Variants in DMD observed in about 807,000 individuals in gnomAD.
DMD encodes the protein mutant dystrophin.
In DMD, 63 loss-of-function variants were observed where a neutral mutation model predicts 330.1. That is an observed-to-expected ratio of 0.19 (90% CI 0.16 to 0.24). The LOEUF (loss-of-function observed/expected upper bound fraction) is 0.24. Ranked by LOEUF, DMD falls within the 10% of genes least tolerant of loss-of-function variation. DMD has a pLI of 1.00. For missense variants in DMD, 3,344 were observed against 2,684.1 expected, an observed-to-expected ratio of 1.25 and a Z score of -5.43; for synonymous variants, 1,223 against 959.8, an observed-to-expected ratio of 1.27 and a Z score of -5.07.
chrX:32,875,031 T>A (rs891839196), intron 2 of DMD, among the ~76,000 whole-genome samples: 1 of 112,381 alleles, frequency 8.9e-6, no homozygotes, highest in East Asian at 2.8e-4. Flanking sequence ...GCTGAATTCC[T>A]GATTCACAAA....
rs1347916431 is a variant in DMD, at chrX:32,542,331, G to T, written c.2168+2828C>A. The stretch of plus-strand genomic sequence containing the variant: ...GCCTGTAATTCCAGCTACTCGGGAG[G>T]TTGAGGCAGAGAATTGCTTGAAACC... On this transcript the variant is annotated intron_variant, in intron 17 of 78. Transcript: ENST00000357033. 3.6e-5 allele frequency among the ~76,000 whole-genome samples: 4 copies of T among 111,812 alleles called. No homozygotes were observed. The East Asian group carries it at 1.1e-3, about 32-fold the overall frequency.
At chrX:32,282,782 C>T (rs1001554370) in intron 43 of DMD, among the ~76,000 whole-genome samples, 5 of 112,171 alleles carry the variant, frequency 4.5e-5, no homozygotes, top group Non-Finnish European at 9.4e-5. Context: ...TTAGGCAAGT[C>T]ACATAACATC....
chrX:32,943,009 G>T, intron 2 of DMD, among the ~76,000 whole-genome samples: 1 of 111,460 alleles, frequency 9.0e-6, no homozygotes, highest in Middle Eastern at 4.7e-3. Context: ...ACATGGGGTA[G>T]ATATAAATGA....
intron 4 of DMD, among the ~76,000 whole-genome samples, 187 bp from the exon 5 acceptor site, chrX:32,823,574 G>T (rs370591650): frequency 5.7e-4 from 64 of 111,509 alleles, no homozygotes; most frequent in African/African-American, 2.0e-3. Flanking sequence ...TAACAAACAA[G>T]CACCCCAAAT....
intron 43 of DMD, among the ~76,000 whole-genome samples, chrX:32,262,986 A>C (rs1250608049): frequency 1.8e-5 from 2 of 111,588 alleles, no homozygotes; most frequent in Admixed American, 9.6e-5. Flanking sequence ...CCTCCCAGGC[A>C]TTTTTCTTAA....
intron 2 of DMD, among the ~76,000 whole-genome samples, chrX:32,959,677 AG>A (rs1242836043): frequency 9.0e-6 from 1 of 110,991 alleles, no homozygotes; most frequent in Non-Finnish European, 1.9e-5. Context: ...ACAACCTACA[AG>A]GTTGTCTTGT....
intron 18 of DMD, among the ~76,000 whole-genome samples, chrX:32,514,773 C>T (rs2045694354): frequency 8.9e-6 from 1 of 112,285 alleles, no homozygotes; most frequent in African/African-American, 3.2e-5. Context: ...TGGAGTAATG[C>T]CTGACAATGA....
At chrX:33,325,072 T>C (rs140809917) in intron 1 of DMD, among the ~76,000 whole-genome samples, 37 of 112,015 alleles carry the variant, frequency 3.3e-4, no homozygotes, top group African/African-American at 1.2e-3. Flanking sequence ...CCACAAATGA[T>C]CATTTCATTT....
chrX:32,878,085 C>T, intron 2 of DMD, among the ~76,000 whole-genome samples: 1 of 112,398 alleles, frequency 8.9e-6, no homozygotes, highest in South Asian at 3.6e-4. Flanking sequence ...TTTGAAAATA[C>T]TAGGAATGGG....
At chrX:32,205,648 A>G (rs960444708) in intron 44 of DMD, among the ~76,000 whole-genome samples, 1 of 112,242 alleles carries the variant, frequency 8.9e-6, no homozygotes, top group Admixed American at 9.5e-5. Flanking sequence ...ATCAATTTCA[A>G]TATCCTGAGC....
intron 7 of DMD, among the ~76,000 whole-genome samples, chrX:32,723,092 T>G (rs137907402): frequency 9.0e-6 from 1 of 111,441 alleles, no homozygotes; most frequent in Non-Finnish European, 1.9e-5. Context: ...AGCCTTGATG[T>G]TGAGGAAATT....
chrX:32,141,224 G>A (rs1370919532), intron 44 of DMD, among the ~76,000 whole-genome samples: 2 of 106,992 alleles, frequency 1.9e-5, no homozygotes, highest in Non-Finnish European at 3.8e-5. Flanking sequence ...CTAGGAGTTC[G>A]AGACCAGCCT....
chrX:32,166,415 G>A lies in DMD; in HGVS notation c.6438+50501C>T, dbSNP rs754269529. ...CAAGGCTGCAGTGAGCCATGATCAC[G>A]TCACTGCACACCAGCTTAGGCAACA... On this transcript the variant is annotated intron_variant, in intron 44 of 78. Transcript: ENST00000357033. Among the ~76,000 whole-genome samples, 54 of 111,169 alleles carry A rather than the reference G, an allele frequency of 4.9e-4. 1 individual carries two copies. Among genetic ancestry groups the A allele is most frequent in the South Asian group, 3.8e-4 (1 of 2,614 alleles).
At chrX:31,238,666 C>T (rs182329747) in intron 63 of DMD, among the ~76,000 whole-genome samples, 22 of 112,109 alleles carry the variant, frequency 2.0e-4, no homozygotes, top group African/African-American at 5.2e-4. Flanking sequence ...GCATTCAAGA[C>T]CAAATCTTTC....
chrX:32,579,811 G>T (rs897993473), intron 13 of DMD, among the ~76,000 whole-genome samples: 1 of 112,748 alleles, frequency 8.9e-6, no homozygotes, highest in Non-Finnish European at 1.9e-5. Context: ...TGACTGATTT[G>T]TTCATTAAAT....
intron 56 of DMD, among the ~76,000 whole-genome samples, chrX:31,498,655 T>C (rs1202789382): frequency 4.5e-5 from 5 of 112,238 alleles, no homozygotes; most frequent in Non-Finnish European, 7.5e-5. Context: ...CCCTCAGAGG[T>C]AGATTTACAG....
At chrX:31,927,738 A>G (rs1463694059) in intron 47 of DMD, among the ~76,000 whole-genome samples, 2 of 111,456 alleles carry the variant, frequency 1.8e-5, no homozygotes, top group Admixed American at 1.9e-4. Context: ...TTTAGTTCCT[A>G]AATATTTTAT....
At chrX:32,647,720 G>A (rs1304083172) in intron 9 of DMD, among the ~76,000 whole-genome samples, 1 of 111,871 alleles carries the variant, frequency 8.9e-6, no homozygotes, top group Admixed American at 9.5e-5. Context: ...GCACTTCACA[G>A]AGTGACCTTG....
intron 16 of DMD, among the ~76,000 whole-genome samples, chrX:32,551,988 A>C (rs149877030): frequency 0.013 from 1,453 of 112,259 alleles, 26 homozygotes; most frequent in African/African-American, 0.045. Flanking sequence ...TAACACACAA[A>C]AAATGGAAAA....
Sources: gnomAD v4.1 joint callset for allele counts (sites outside exome capture counted in the v4.1 genomes callset) on GRCh38, gnomAD v4.1.1 for gene constraint, MANE v1.5 for transcripts, NCBI Gene and HGNC (gene_info 2026-07-23, HGNC 2026-07-21) for gene names.